Variants in TBCE observed in about 807,000 individuals in gnomAD.
TBCE encodes the protein tubulin-specific chaperone E.
Under a neutral mutation model 77.0 loss-of-function variants are expected in TBCE, and 53 were observed. The observed-to-expected ratio is 0.69, with a 90% CI of 0.55 to 0.87. The LOEUF is 0.87. Ranked by LOEUF, TBCE falls within the 40% of genes least tolerant of loss-of-function variation. TBCE has a pLI of 0.00. For synonymous variants in TBCE, 235 were observed against 241.3 expected, an observed-to-expected ratio of 0.97 and a Z score of 0.24; for missense variants, 624 against 622.4, an observed-to-expected ratio of 1.00 and a Z score of -0.03.
chr1:235,382,399 C>T (rs1677733452), intron 2 of TBCE, among the ~76,000 whole-genome samples: 1 of 152,188 alleles, frequency 6.6e-6, no homozygotes, highest in Admixed American at 6.5e-5. Context: ...CACTGACTTC[C>T]ACAATGGTTG....
intron 7 of TBCE, chr1:235,433,224 A>G (rs1056265036): frequency 4.0e-6 from 5 of 1,261,522 alleles, no homozygotes; most frequent in Non-Finnish European, 5.0e-6. Flanking sequence ...GCGTCATCTC[A>G]ACTATTTGGT....
chr1:235,443,168 A>G (rs1033200703), intron 15 of TBCE, among the ~76,000 whole-genome samples: 4 of 136,248 alleles, frequency 2.9e-5, no homozygotes, highest in African/African-American at 1.2e-4. Context: ...ATATAATTAC[A>G]CACACACACA....
At chr1:235,412,176 T>C (rs1229232976) in intron 3 of TBCE, among the ~76,000 whole-genome samples, 2 of 5,018 alleles carry the variant, frequency 4.0e-4, no homozygotes, top group African/African-American at 4.5e-3. Flanking sequence ...CCCCCTCCCC[T>C]CCCCTCCCCC....
chr1:235,450,183 G>C lies in TBCE; in HGVS notation c.*1421G>C, dbSNP rs1224926197. ...TTATCGTTTGCCTGCCCTGATTTTAGACTCTGCTAATTCAAGTCCCTGTTA... is the reference window on the plus strand; with the variant it reads ...TTATCGTTTGCCTGCCCTGATTTTACACTCTGCTAATTCAAGTCCCTGTTA... On this transcript the variant is annotated 3_prime_UTR_variant, in exon 17 of 17. Transcript: ENST00000642610. 7 of 1,613,606 alleles carry C rather than the reference G, an allele frequency of 4.3e-6. No individual in the cohort carries two copies. Among genetic ancestry groups the C allele is most frequent in the East Asian group, 2.2e-5 (1 of 44,878 alleles).
chr1:235,388,195 C>G (rs1375338500), intron 2 of TBCE, among the ~76,000 whole-genome samples: 1 of 151,998 alleles, frequency 6.6e-6, no homozygotes, highest in Non-Finnish European at 1.5e-5. Flanking sequence ...GACAAGAAGA[C>G]CAAGTCTCAG....
chr1:235,386,678 G>A (rs1439660350), intron 2 of TBCE, among the ~76,000 whole-genome samples: 1 of 151,988 alleles, frequency 6.6e-6, no homozygotes, highest in African/African-American at 2.4e-5. Context: ...CTCTGTATTG[G>A]TTATTCTAGT....
chr1:235,437,238 A>C, intron 11 of TBCE, 84 bp from the exon 12 acceptor site: 1 of 1,561,672 alleles, frequency 6.4e-7, no homozygotes, highest in East Asian at 2.2e-5. Context: ...AACTAGGGAC[A>C]TGCTTTCCTG....
At chr1:235,394,979 A>G (rs1302901244) in intron 2 of TBCE, among the ~76,000 whole-genome samples, 1 of 152,224 alleles carries the variant, frequency 6.6e-6, no homozygotes, top group African/African-American at 2.4e-5. Flanking sequence ...TGCTGGGATC[A>G]CAGGCATGAG....
intron 15 of TBCE, 109 bp from the exon 16 acceptor site, chr1:235,448,240 A>AAT: frequency 1.2e-6 from 1 of 813,602 alleles, no homozygotes. Flanking sequence ...AAAAAAAAAA[A>AAT]GACAGATACA....
intron 5 of TBCE, chr1:235,423,732 TC>T (rs1680541770): frequency 6.6e-6 from 1 of 152,460 alleles, no homozygotes; most frequent in African/African-American, 2.4e-5. Context: ...CCGACTCTTT[TC>T]CCTTCCATTT....
rs1682918094 is a variant in TBCE at position 235,451,802 on chromosome 1, G to C, written c.*3040G>C. 6.6e-6 allele frequency: 1 copy of C among 152,292 alleles called. No homozygotes were observed. The highest frequency in any genetic ancestry group is 1.9e-4 in the East Asian group (1 of 5,186). The allele number at this position is 152,292 out of a possible 1,614,324, so 9.4% of individuals were successfully genotyped here. On this transcript the variant is annotated 3_prime_UTR_variant, in exon 17 of 17. Coordinates refer to ENST00000642610, the MANE Select transcript of TBCE (RefSeq NM_003193.5). The stretch of plus-strand genomic sequence containing the variant: ...CCAAAGTGGAAGCTGCAAGAATCCA[G>C]AACAGAAATCTCTGAAGCTAAAGCC...
In TBCE at chr1:235,380,146, G is replaced by T. The variant is rs753196917; in HGVS notation, c.97G>T (p.Ala33Ser). Residue 33 changes from alanine to serine, a missense_variant, in exon 2 of 17, where the codon GCA becomes TCA. Ala to Ser is a moderately conservative substitution (Grantham distance 99). Transcript: ENST00000642610. The part of the protein sequence containing the change: ...VRFAGVVPPV[A>S]GPWLGVEWDN... The stretch of plus-strand genomic sequence containing the variant: ...TTTTGCTGGTGTTGTCCCTCCCGTG[G>T]CAGGTAAGCAATTATTGTGTGTGTG... 2 of 1,599,630 alleles carry T rather than the reference G, an allele frequency of 1.3e-6. No homozygotes were observed. Among genetic ancestry groups the T allele is most frequent in the East Asian group, 4.5e-5 (2 of 44,228 alleles).
chr1:235,402,269 G>A (rs528154403), intron 3 of TBCE, among the ~76,000 whole-genome samples: 19 of 151,880 alleles, frequency 1.3e-4, no homozygotes, highest in African/African-American at 4.6e-4. Flanking sequence ...TCACCATATT[G>A]GCCAGGCTGG....
chr1:235,380,296 T>C, intron 2 of TBCE, 147 bp downstream of exon 2: 1 of 708,270 alleles, frequency 1.4e-6, no homozygotes, highest in Non-Finnish European at 2.5e-6. Flanking sequence ...AATTTATAGG[T>C]GCCTCCTGTA....
At chr1:235,394,083 T>G (rs1212604729) in intron 2 of TBCE, among the ~76,000 whole-genome samples, 1 of 152,146 alleles carries the variant, frequency 6.6e-6, no homozygotes, top group Non-Finnish European at 1.5e-5. Flanking sequence ...TTATTTTTAT[T>G]TATTTTTTTG....
chr1:235,442,943 CTCTGAA>C, intron 15 of TBCE, 32 bp downstream of exon 15: 1 of 1,611,172 alleles, frequency 6.2e-7, no homozygotes, highest in East Asian at 2.2e-5. Flanking sequence ...TTTCCTTAAA[CTCTGAA>C]TCATCGGCCT....
chr1:235,433,203 C>T (rs1681207186), intron 7 of TBCE: 2 of 1,295,612 alleles, frequency 1.5e-6, no homozygotes, highest in Non-Finnish European at 2.0e-6. Flanking sequence ...TCTAATTGGC[C>T]ATGGCCAAGG....
chr1:235,415,034 C>T (rs994219172), intron 4 of TBCE: 2 of 244,292 alleles, frequency 8.2e-6, no homozygotes, highest in Admixed American at 5.0e-5. Context: ...GTTCTCACCT[C>T]GGGCTGCACA....
At chr1:235,400,577 T>C (rs967806319) in intron 2 of TBCE, among the ~76,000 whole-genome samples, 1 of 151,434 alleles carries the variant, frequency 6.6e-6, no homozygotes, top group Non-Finnish European at 1.5e-5. Context: ...ATTTTTTGTA[T>C]TTTTAGTAGA....
Sources: allele counts gnomAD v4.1 joint callset (sites outside exome capture counted in the v4.1 genomes callset), GRCh38; gene constraint gnomAD v4.1.1; transcripts MANE v1.5; gene names NCBI Gene and HGNC (gene_info 2026-07-23, HGNC 2026-07-21).